The following CEMIP variants were observed in gnomAD, a reference collection of about 807,000 sequenced individuals.
CEMIP encodes cell migration-inducing and hyaluronan-binding protein.
In CEMIP, 105 loss-of-function variants were observed where a neutral mutation model predicts 156.9. The ratio of observed to expected loss-of-function variants is 0.67; its 90% CI spans 0.57 to 0.79. The LOEUF (loss-of-function observed/expected upper bound fraction) is 0.79, where lower values mean the gene tolerates loss of function less well. CEMIP is among the 30% of genes least tolerant of loss of function. The pLI is 0.00. For missense variants in CEMIP, 1,457 were observed against 1,769.4 expected (o/e 0.82, Z 3.17); for synonymous variants, 676 against 668.4 (o/e 1.01, Z -0.17).
At chr15:80,805,841 T>C (rs1896500953) in intron 1 of CEMIP, among the ~76,000 whole-genome samples, 1 of 152,220 alleles carries the variant, frequency 6.6e-6, no homozygotes, top group Non-Finnish European at 1.5e-5. Context: ...CTTGTTTTGG[T>C]CTCAGCTTAT....
In CEMIP at chr15:80,878,801, G is replaced by T; in HGVS notation, c.175G>T (p.Gly59Cys). The change falls in exon 4 of 30, where the codon GGC (glycine) becomes TGC (cysteine). Residue 59 changes from glycine (G) to cysteine (C), a missense_variant. Physicochemically the swap from Gly to Cys is radical, Grantham distance 159. Coordinates refer to ENST00000394685, the MANE Select transcript of CEMIP (RefSeq NM_001293298.2). ...TGACCAAGACCACCATGTGCATATC[G>T]GCCAGGGCAAGACACTGCTGCTCAC... ...GHDQDHHVHI[G>C]QGKTLLLTSS... is the part of the protein sequence containing the mutation. 6.2e-7 allele frequency: 1 copy of T among 1,614,134 alleles called. No individual in the cohort carries two copies. The highest frequency in any genetic ancestry group is 8.5e-7 in the Non-Finnish European group (1 of 1,180,016).
Position 80,937,093 on chromosome 15 carries a change from C to T in CEMIP, c.3221+208C>T, listed in dbSNP as rs77336371. On this transcript the variant is annotated intron_variant, in intron 24 of 29. Coordinates refer to ENST00000394685, the MANE Select transcript of CEMIP (RefSeq NM_001293298.2). ...AGCATGGGTAACCTTGGCCAGCGCA[C>T]GTAACCTCTTGAGCCTGAGCTCCTT... Among the ~76,000 whole-genome samples, 7,341 of 152,300 alleles carry T rather than the reference C, an allele frequency of 0.048. 298 individuals carry two copies. The highest frequency in any genetic ancestry group is 0.099 in the Middle Eastern group (29 of 294).
At chr15:80,871,943 C>G (rs2141803215) in intron 1 of CEMIP, among the ~76,000 whole-genome samples, 2 of 152,286 alleles carry the variant, frequency 1.3e-5, no homozygotes, top group Admixed American at 1.3e-4. Flanking sequence ...CTCGGCAGAG[C>G]AGGCTTGGGT....
chr15:80,943,065 T>C lies in CEMIP; in HGVS notation c.3820T>C (p.Trp1274Arg). The change falls in exon 28 of 30, where the codon TGG (tryptophan) becomes CGG (arginine). Residue 1274 changes from tryptophan to arginine, a missense_variant. Trp to Arg is a moderately radical substitution (Grantham distance 101). Around this residue, in one of 5 missense-constraint regions of CEMIP, gnomAD observed 798 missense variants for 980.1 expected, o/e 0.81. Coordinates refer to ENST00000394685, the MANE Select transcript of CEMIP (RefSeq NM_001293298.2). ...GAACTCCATTCTGCAAGGCATACCA[T>C]GGCAGCTTTTCAACTATGTGGCGAC... ...FRNSILQGIP[W>R]QLFNYVATIP... 2 of 1,614,202 alleles carry C rather than the reference T, an allele frequency of 1.2e-6. No homozygotes were observed. Among genetic ancestry groups the C allele is most frequent in the South Asian group, 1.1e-5 (1 of 91,088 alleles).
At chr15:80,812,361 C>T (rs777671894) in intron 1 of CEMIP, among the ~76,000 whole-genome samples, 1 of 152,162 alleles carries the variant, frequency 6.6e-6, no homozygotes, top group Non-Finnish European at 1.5e-5. Context: ...CCATAGACTC[C>T]TCTTCCCCTC....
At chr15:80,853,980 A>G (rs1031253046) in intron 1 of CEMIP, among the ~76,000 whole-genome samples, 2 of 152,248 alleles carry the variant, frequency 1.3e-5, no homozygotes, top group African/African-American at 2.4e-5. Flanking sequence ...TGGAAGCACA[A>G]CTTCCAAATG....
chr15:80,848,336 G>T (rs1259739447), intron 1 of CEMIP, among the ~76,000 whole-genome samples: 3 of 152,148 alleles, frequency 2.0e-5, no homozygotes, highest in Non-Finnish European at 4.4e-5. Context: ...GAGAGATTTA[G>T]TTCTGGACAG....
intron 1 of CEMIP, among the ~76,000 whole-genome samples, chr15:80,858,612 C>A (rs1004634424): frequency 5.9e-5 from 9 of 151,676 alleles, no homozygotes; most frequent in Non-Finnish European, 1.3e-4. Context: ...GTAATACCAG[C>A]TACTCAGGAG....
At chr15:80,858,254 T>C (rs183244164) in intron 1 of CEMIP, among the ~76,000 whole-genome samples, 1 of 152,304 alleles carries the variant, frequency 6.6e-6, no homozygotes, top group Admixed American at 6.5e-5. Flanking sequence ...TCAACCTTAG[T>C]GGTAGTAAAG....
intron 1 of CEMIP, among the ~76,000 whole-genome samples, chr15:80,839,556 T>C (rs1567064803): frequency 6.6e-6 from 1 of 151,994 alleles, no homozygotes. Flanking sequence ...AGCAGAAGGG[T>C]GGGCCTTCAG....
intron 14 of CEMIP, among the ~76,000 whole-genome samples, chr15:80,917,110 C>T (rs916160871): frequency 5.9e-5 from 9 of 152,120 alleles, no homozygotes; most frequent in Non-Finnish European, 1.3e-4. Context: ...CAATAAACAG[C>T]GGTCATTTTT....
intron 12 of CEMIP, among the ~76,000 whole-genome samples, chr15:80,901,681 G>A (rs912648485): frequency 9.5e-5 from 14 of 146,976 alleles, no homozygotes; most frequent in East Asian, 2.0e-4. Flanking sequence ...CAGCCTGGGG[G>A]ACAAGAGTGA....
At chr15:80,935,532 T>G (rs970461472) in intron 23 of CEMIP, among the ~76,000 whole-genome samples, 1 of 152,220 alleles carries the variant, frequency 6.6e-6, no homozygotes, top group Non-Finnish European at 1.5e-5. Flanking sequence ...CTTCTGATAC[T>G]CAGGGCAACT....
At chr15:80,813,018 C>A (rs1169517256) in intron 1 of CEMIP, among the ~76,000 whole-genome samples, 1 of 152,174 alleles carries the variant, frequency 6.6e-6, no homozygotes, top group Non-Finnish European at 1.5e-5. Flanking sequence ...TTGTGTTTTA[C>A]ATCATTGCCA....
intron 1 of CEMIP, among the ~76,000 whole-genome samples, chr15:80,781,119 A>G (rs980838767): frequency 3.3e-5 from 5 of 152,226 alleles, no homozygotes; most frequent in Non-Finnish European, 5.9e-5. Context: ...AGATAATGCC[A>G]GATACAATTA....
In CEMIP at chr15:80,924,601, T is replaced by C; in HGVS notation, c.2203-20T>C. On this transcript the variant is annotated intron_variant, in intron 17 of 29. Coordinates refer to ENST00000394685, the MANE Select transcript of CEMIP (RefSeq NM_001293298.2). ...CCCACAGTAGAAACTAATGTGTCCC[T>C]GAATATCTCTTCCCTGCAGGCTGGC... is the stretch of plus-strand genomic sequence containing the variant. 2 of 1,611,090 alleles carry C rather than the reference T, an allele frequency of 1.2e-6. No homozygotes were observed. Among genetic ancestry groups the C allele is most frequent in the Non-Finnish European group, 1.7e-6 (2 of 1,177,300 alleles).
rs200240727 is a variant in CEMIP at position 80,925,727 on chromosome 15, G to A, written c.2392G>A (p.Gly798Ser). The A allele has an allele frequency of 5.0e-6, 8 of 1,613,480 alleles. No homozygotes were observed. The highest frequency in any genetic ancestry group is 1.7e-4 in the Middle Eastern group (1 of 6,046). Residue 798 changes from glycine to serine, a missense_variant, in exon 19 of 30, where the codon GGC becomes AGC. Transcript: ENST00000394685. ...KNQDHGAWLR[G>S]GDVWLDSCRF... The stretch of plus-strand genomic sequence containing the variant: ...CCAGGACCACGGGGCCTGGCTGCGC[G>A]GCGGGGATGTGTGGCTGGACAGCTG...
rs114554596 is a variant in CEMIP, at chr15:80,806,102, G to A, written c.-176+26488G>A. 2.9e-3 allele frequency among the ~76,000 whole-genome samples: 447 copies of A among 152,314 alleles called. 2 individuals carry two copies. Among genetic ancestry groups the A allele is most frequent in the African/African-American group, 9.9e-3 (413 of 41,558 alleles). ...GGCAAAGACAAGGTATGTAAAATGC[G>A]TTTGTGAGCAACCAGAATATCTTAT... On this transcript the variant is annotated intron_variant, in intron 1 of 29. Coordinates refer to ENST00000394685, the MANE Select transcript of CEMIP (RefSeq NM_001293298.2).
At chr15:80,911,333 A>G (rs941096057) in intron 14 of CEMIP, among the ~76,000 whole-genome samples, 2 of 152,276 alleles carry the variant, frequency 1.3e-5, no homozygotes, top group Non-Finnish European at 2.9e-5. Context: ...GTTAGGAAAG[A>G]TAACAGGCTT....
Sources: allele counts gnomAD v4.1 joint callset (sites outside exome capture counted in the v4.1 genomes callset), GRCh38; gene constraint gnomAD v4.1.1; regional missense constraint gnomAD v4.1.1; transcripts MANE v1.5; gene names NCBI Gene and HGNC (gene_info 2026-07-23, HGNC 2026-07-21).